HS3ST4: variants seen among roughly 807,000 people sequenced by gnomAD.
The protein encoded by HS3ST4 is heparan sulfate glucosamine 3-O-sulfotransferase 4.
HS3ST4 carries 17 observed loss-of-function variants against 29.2 expected under a neutral mutation model. The ratio of observed to expected loss-of-function variants is 0.58; its 90% confidence interval spans 0.40 to 0.87. The LOEUF (loss-of-function observed/expected upper bound fraction) is 0.87, where lower values mean the gene tolerates loss of function less well. Among genes scored for constraint, HS3ST4 ranks in the 40% least tolerant of loss-of-function variants. The pLI, the probability that HS3ST4 is intolerant of heterozygous loss-of-function variation, is 0.00. For missense variants in HS3ST4, 627 were observed against 634.5 expected, an observed-to-expected ratio of 0.99 and a Z score of 0.13; for synonymous variants, 314 against 285.7, an observed-to-expected ratio of 1.10 and a Z score of -1.00.
At chr16:25,762,893 A>AAAAAAAG (rs1567234925) in intron 1 of HS3ST4, among the ~76,000 whole-genome samples, 8 of 149,292 alleles carry the variant, frequency 5.4e-5, no homozygotes, top group African/African-American at 2.0e-4. Context: ...AAAAAAAAAA[A>AAAAAAAG]AAAAAAGAAA....
intron 1 of HS3ST4, among the ~76,000 whole-genome samples, chr16:25,864,858 G>A (rs576892185): frequency 6.7e-6 from 1 of 149,580 alleles, no homozygotes; most frequent in South Asian, 2.1e-4. Flanking sequence ...GTGTATATAT[G>A]CAATCCTGAA....
At chr16:25,886,536 T>C (rs1340964553) in intron 1 of HS3ST4, among the ~76,000 whole-genome samples, 1 of 152,182 alleles carries the variant, frequency 6.6e-6, no homozygotes, top group East Asian at 1.9e-4. Context: ...GAAGCTCAGT[T>C]TCCCGAAGCA....
intron 1 of HS3ST4, among the ~76,000 whole-genome samples, chr16:25,968,827 G>GT (rs1968869665): frequency 6.6e-6 from 1 of 152,104 alleles, no homozygotes. Context: ...GTTTTGTTTT[G>GT]TTTTTTCCCC....
At chr16:25,803,427 C>G (rs995026014) in intron 1 of HS3ST4, among the ~76,000 whole-genome samples, 4 of 152,054 alleles carry the variant, frequency 2.6e-5, no homozygotes, top group African/African-American at 9.7e-5. Context: ...CTTTGTTGTT[C>G]GTTGATCTGA....
intron 1 of HS3ST4, among the ~76,000 whole-genome samples, chr16:26,109,786 T>G (rs113054423): frequency 6.6e-6 from 1 of 151,824 alleles, no homozygotes; most frequent in Non-Finnish European, 1.5e-5. Context: ...CATTGACAAA[T>G]AAAAATTACA....
At chr16:26,046,930 A>G (rs112517297) in intron 1 of HS3ST4, among the ~76,000 whole-genome samples, 93 of 152,288 alleles carry the variant, frequency 6.1e-4, no homozygotes, top group African/African-American at 2.1e-3. Flanking sequence ...TCAAAATTCA[A>G]ATGTAAGCAA....
chr16:26,054,296 G>GAGAA (rs1555481165), intron 1 of HS3ST4, among the ~76,000 whole-genome samples: 2 of 148,328 alleles, frequency 1.3e-5, no homozygotes, highest in Non-Finnish European at 1.5e-5. Context: ...GAGAGAGAGA[G>GAGAA]AGAAGGAGGA....
intron 1 of HS3ST4, among the ~76,000 whole-genome samples, chr16:25,841,408 C>T (rs1257543142): frequency 6.6e-6 from 1 of 152,056 alleles, no homozygotes; most frequent in Admixed American, 6.5e-5. Context: ...TCAGGGGATC[C>T]TCCCACTTCA....
chr16:26,032,928 G>T, intron 1 of HS3ST4: 2 of 794,228 alleles, frequency 2.5e-6, no homozygotes, highest in Non-Finnish European at 4.2e-6. Context: ...CCGGAGGCGT[G>T]TTTTAAGACT....
intron 1 of HS3ST4, among the ~76,000 whole-genome samples, chr16:26,039,629 ATTAAG>A (rs374021757): frequency 3.9e-5 from 6 of 152,230 alleles, no homozygotes; most frequent in African/African-American, 1.4e-4. Flanking sequence ...GAAATATACA[ATTAAG>A]TTATTATTGA....
At chr16:26,009,798 A>G (rs534203933) in intron 1 of HS3ST4, among the ~76,000 whole-genome samples, 9 of 152,310 alleles carry the variant, frequency 5.9e-5, no homozygotes, top group African/African-American at 1.9e-4. Flanking sequence ...CCTAACCTCA[A>G]TGGAGCTGGA....
chr16:25,879,042 G>A (rs1304145751), intron 1 of HS3ST4, among the ~76,000 whole-genome samples: 1 of 152,172 alleles, frequency 6.6e-6, no homozygotes, highest in African/African-American at 2.4e-5. Context: ...AAATTAGGGT[G>A]TCACTGACTG....
At chr16:25,992,245 G>C (rs572799774) in intron 1 of HS3ST4, among the ~76,000 whole-genome samples, 25 of 152,326 alleles carry the variant, frequency 1.6e-4, no homozygotes, top group Admixed American at 1.0e-3. Flanking sequence ...TAGGACAAGG[G>C]AGGAATGGAA....
chr16:25,993,006 AC>A (rs1969127550), intron 1 of HS3ST4, among the ~76,000 whole-genome samples: 1 of 152,212 alleles, frequency 6.6e-6, no homozygotes, highest in Admixed American at 6.5e-5. Flanking sequence ...TTCATAGTGG[AC>A]TGCCACCATT....
intron 1 of HS3ST4, among the ~76,000 whole-genome samples, chr16:26,020,814 GC>G (rs1969405833): frequency 1.3e-5 from 2 of 152,278 alleles, no homozygotes; most frequent in South Asian, 4.2e-4. Context: ...AGTGTGAGAA[GC>G]CCGGGCTGAG....
intron 1 of HS3ST4, among the ~76,000 whole-genome samples, chr16:25,954,944 T>G (rs1233386703): frequency 6.6e-6 from 1 of 152,204 alleles, no homozygotes; most frequent in Non-Finnish European, 1.5e-5. Flanking sequence ...GCTTATGAAA[T>G]AATTTTTATA....
chr16:25,934,223 G>T (rs1486680480), intron 1 of HS3ST4, among the ~76,000 whole-genome samples: 1 of 152,202 alleles, frequency 6.6e-6, no homozygotes, highest in Non-Finnish European at 1.5e-5. Context: ...ACTAGGCTGA[G>T]ATGTAGGGTC....
chr16:26,026,253 T>G (rs528690041), intron 1 of HS3ST4, among the ~76,000 whole-genome samples: 261 of 152,270 alleles, frequency 1.7e-3, no homozygotes, highest in African/African-American at 6.1e-3. Flanking sequence ...CTCCTTAGGG[T>G]GATAACCAGG....
At chr16:25,738,379 T>C (rs956238315) in intron 1 of HS3ST4, among the ~76,000 whole-genome samples, 1 of 152,196 alleles carries the variant, frequency 6.6e-6, no homozygotes, top group Non-Finnish European at 1.5e-5. Flanking sequence ...TCTCTCTTCT[T>C]TGAATAGTCC....
Sources: allele counts gnomAD v4.1 joint callset (sites outside exome capture counted in the v4.1 genomes callset), GRCh38; gene constraint gnomAD v4.1.1; transcripts MANE v1.5; gene names NCBI Gene and HGNC (gene_info 2026-07-23, HGNC 2026-07-21).